Variants in UNC5D observed in about 807,000 individuals in gnomAD.
UNC5D encodes the protein netrin receptor UNC5D.
A neutral mutation model predicts 105.4 loss-of-function variants in UNC5D; 39 were observed. The observed-to-expected ratio is 0.37, with a 90% confidence interval of 0.29 to 0.48. The LOEUF (loss-of-function observed/expected upper bound fraction) is 0.48. UNC5D is among the 20% of genes least tolerant of loss of function. The pLI is 0.98. For synonymous variants in UNC5D, 452 were observed against 450.4 expected (o/e 1.00, Z -0.04); for missense variants, 991 against 1,202.4 (o/e 0.82, Z 2.60).
intron 4 of UNC5D, among the ~76,000 whole-genome samples, chr8:35,601,800 C>G (rs1819904900): frequency 6.6e-6 from 1 of 152,104 alleles, no homozygotes; most frequent in Non-Finnish European, 1.5e-5. Flanking sequence ...TTTCCTTCTC[C>G]TGCCTGATTG....
intron 1 of UNC5D, among the ~76,000 whole-genome samples, chr8:35,253,104 C>CTGTGTG (rs150541415): frequency 6.7e-6 from 1 of 149,280 alleles, no homozygotes; most frequent in Non-Finnish European, 1.5e-5. Context: ...GCAAGCTAGT[C>CTGTGTG]TGTGTGTGTG....
At chr8:35,361,380 A>G (rs1183985525) in intron 1 of UNC5D, among the ~76,000 whole-genome samples, 1 of 152,180 alleles carries the variant, frequency 6.6e-6, no homozygotes, top group East Asian at 1.9e-4. Flanking sequence ...GTGAACAGTA[A>G]ATAAAATAAA....
intron 1 of UNC5D, among the ~76,000 whole-genome samples, chr8:35,322,758 T>C (rs1453718583): frequency 1.3e-5 from 2 of 152,226 alleles, no homozygotes; most frequent in African/African-American, 4.8e-5. Context: ...TTTTTCCTAA[T>C]CATGGCACAA....
chr8:35,617,507 A>G (rs1821104058), intron 4 of UNC5D, among the ~76,000 whole-genome samples: 3 of 152,180 alleles, frequency 2.0e-5, no homozygotes, highest in Admixed American at 2.0e-4. Context: ...TGCATTGCAC[A>G]GCTCTCAAGC....
At chr8:35,434,237 A>G (rs942823218) in intron 1 of UNC5D, among the ~76,000 whole-genome samples, 1 of 152,102 alleles carries the variant, frequency 6.6e-6, no homozygotes, top group Admixed American at 6.6e-5. Context: ...GCTCATGTAT[A>G]AAATTGAAAT....
intron 1 of UNC5D, among the ~76,000 whole-genome samples, chr8:35,398,353 A>G (rs1189724425): frequency 2.0e-5 from 3 of 152,064 alleles, no homozygotes; most frequent in Non-Finnish European, 2.9e-5. Context: ...TCATCTCATA[A>G]TCACTAATTA....
chr8:35,304,310 GAA>G (rs896976944), intron 1 of UNC5D, among the ~76,000 whole-genome samples: 1 of 149,744 alleles, frequency 6.7e-6, no homozygotes, highest in African/African-American at 2.5e-5. Context: ...CTCTACTTAG[GAA>G]AAAAAAAGTG....
intron 1 of UNC5D, among the ~76,000 whole-genome samples, chr8:35,271,743 T>TATACATGTATACATATATATG (rs1563268511): frequency 7.7e-6 from 1 of 130,644 alleles, no homozygotes; most frequent in African/African-American, 2.9e-5. Flanking sequence ...ACATATATAT[T>TATACATGTATACATATATATG]TATACATGTA....
intron 1 of UNC5D, among the ~76,000 whole-genome samples, chr8:35,249,032 T>G (rs1297589238): frequency 1.3e-5 from 1 of 74,668 alleles, no homozygotes; most frequent in Non-Finnish European, 2.3e-5. Context: ...TATGTTTATA[T>G]AATATATATT....
chr8:35,765,077 C>T (rs949750788), intron 14 of UNC5D, among the ~76,000 whole-genome samples: 3 of 152,178 alleles, frequency 2.0e-5, no homozygotes, highest in Non-Finnish European at 4.4e-5. Flanking sequence ...AGTGGATTCT[C>T]CGGTGAATGT....
At chr8:35,765,008 A>C (rs1359407112) in intron 14 of UNC5D, among the ~76,000 whole-genome samples, 1 of 152,246 alleles carries the variant, frequency 6.6e-6, no homozygotes, top group Non-Finnish European at 1.5e-5. Context: ...GAAAGCTACT[A>C]GTGGTATTAG....
At chr8:35,748,107 G>A (rs1830091389) in intron 11 of UNC5D, among the ~76,000 whole-genome samples, 1 of 152,174 alleles carries the variant, frequency 6.6e-6, no homozygotes, top group Non-Finnish European at 1.5e-5. Flanking sequence ...ATTTTAGATT[G>A]TGTTTTCATG....
chr8:35,533,343 C>A (rs1219691637), intron 1 of UNC5D, among the ~76,000 whole-genome samples: 2 of 152,042 alleles, frequency 1.3e-5, no homozygotes, highest in Non-Finnish European at 2.9e-5. Flanking sequence ...GGGGGTGCCT[C>A]CCAGTTAGGC....
chr8:35,261,566 T>A (rs1013144987), intron 1 of UNC5D, among the ~76,000 whole-genome samples: 5 of 151,804 alleles, frequency 3.3e-5, no homozygotes, highest in African/African-American at 1.2e-4. Flanking sequence ...AGACTCTCAG[T>A]GCTCATCTTT....
intron 1 of UNC5D, among the ~76,000 whole-genome samples, chr8:35,366,742 C>T (rs1327513971): frequency 6.6e-6 from 1 of 151,746 alleles, no homozygotes; most frequent in Admixed American, 6.6e-5. Context: ...AATTTAGAGG[C>T]TATGGATATA....
intron 4 of UNC5D, among the ~76,000 whole-genome samples, chr8:35,660,640 A>G (rs1053321327): frequency 1.3e-5 from 2 of 152,190 alleles, no homozygotes; most frequent in African/African-American, 2.4e-5. Flanking sequence ...AGAACCAGAG[A>G]GGAGCAGAGT....
At chr8:35,361,478 C>T (rs1347116969) in intron 1 of UNC5D, among the ~76,000 whole-genome samples, 1 of 152,134 alleles carries the variant, frequency 6.6e-6, no homozygotes, top group Non-Finnish European at 1.5e-5. Flanking sequence ...GGTCATTCGT[C>T]TAAGTGTCTT....
intron 1 of UNC5D, among the ~76,000 whole-genome samples, chr8:35,271,742 T>C (rs1585464651): frequency 7.8e-6 from 1 of 127,470 alleles, no homozygotes; most frequent in Admixed American, 7.7e-5. Flanking sequence ...TACATATATA[T>C]TTATACATGT....
At chr8:35,309,490 T>C (rs1321624283) in intron 1 of UNC5D, among the ~76,000 whole-genome samples, 1 of 152,196 alleles carries the variant, frequency 6.6e-6, no homozygotes, top group African/African-American at 2.4e-5. Flanking sequence ...GGGAAATATG[T>C]GTCTGGATGT....
Sources: gnomAD v4.1 joint callset for allele counts (sites outside exome capture counted in the v4.1 genomes callset) on GRCh38, gnomAD v4.1.1 for gene constraint, MANE v1.5 for transcripts, NCBI Gene and HGNC (gene_info 2026-07-23, HGNC 2026-07-21) for gene names.